The following TNS1 variants were observed in gnomAD, a reference collection of about 807,000 sequenced individuals.
TNS1 encodes tensin 1, also known as tensin-1.
A neutral mutation model predicts 168.6 loss-of-function variants in TNS1; 62 were observed. The ratio of observed to expected loss-of-function variants is 0.37; its 90% CI spans 0.30 to 0.45. The LOEUF is 0.45. Among genes scored for constraint, TNS1 ranks in the 20% least tolerant of loss-of-function variants. The pLI is 1.00. For missense variants in TNS1, 2,240 were observed against 2,339.4 expected (o/e 0.96, Z 0.88); for synonymous variants, 934 against 933.2 (o/e 1.00, Z -0.02).
intron 18 of TNS1, among the ~76,000 whole-genome samples, chr2:217,853,879 C>T (rs1277833482): frequency 6.6e-6 from 1 of 152,224 alleles, no homozygotes; most frequent in Non-Finnish European, 1.5e-5. Context: ...CGGCACTAGC[C>T]ATGCAGCTCA....
chr2:217,841,978 C>T (rs1178594996), intron 19 of TNS1: 189 of 675,204 alleles, frequency 2.8e-4, no homozygotes, highest in East Asian at 1.7e-3. Flanking sequence ...TTCTAACCCA[C>T]CTTCACACCA....
intron 3 of TNS1, among the ~76,000 whole-genome samples, chr2:217,969,233 T>A (rs1957721177): frequency 6.6e-6 from 1 of 152,206 alleles, no homozygotes; most frequent in African/African-American, 2.4e-5. Flanking sequence ...GAAAGAATGA[T>A]CTTTTCACCA....
At chr2:217,925,615 C>T (rs1056158110) in intron 3 of TNS1, among the ~76,000 whole-genome samples, 1 of 152,240 alleles carries the variant, frequency 6.6e-6, no homozygotes, top group African/African-American at 2.4e-5. Context: ...CCACCATCTC[C>T]TGCTAGTCCC....
chr2:217,951,629 C>T (rs922595693), intron 3 of TNS1, among the ~76,000 whole-genome samples: 4 of 152,114 alleles, frequency 2.6e-5, no homozygotes, highest in Non-Finnish European at 5.9e-5. Flanking sequence ...CAGGGGCTCG[C>T]CCGCCCCTGC....
intron 3 of TNS1, among the ~76,000 whole-genome samples, chr2:217,920,471 T>C (rs986771310): frequency 1.6e-4 from 25 of 151,826 alleles, no homozygotes; most frequent in Admixed American, 5.9e-4. Flanking sequence ...GCGTCACAAT[T>C]AAAATTCTGT....
chr2:217,930,260 T>C (rs1163196508), intron 3 of TNS1, among the ~76,000 whole-genome samples: 1 of 152,142 alleles, frequency 6.6e-6, no homozygotes. Context: ...CAGTAAATAA[T>C]GGAAATTGAA....
At chr2:217,862,076 G>A (rs1329038380) in intron 18 of TNS1, among the ~76,000 whole-genome samples, 2 of 152,136 alleles carry the variant, frequency 1.3e-5, no homozygotes, top group Non-Finnish European at 2.9e-5. Context: ...ACTGCCAATG[G>A]TGTGCCTGAA....
In TNS1 at chr2:217,906,541, G is replaced by A. The variant is rs566009850; in HGVS notation, c.271-156C>T. On this transcript the variant is annotated intron_variant, in intron 5 of 32. Coordinates refer to ENST00000682258, the MANE Select transcript of TNS1 (RefSeq NM_001387777.1). ...TTCACATTTCTTTGCCCATATCAAGGCCCCCTCAGAACTAACCAAATCCTC... is the reference window on the plus strand; with the variant it reads ...TTCACATTTCTTTGCCCATATCAAGACCCCCTCAGAACTAACCAAATCCTC... Among the ~76,000 whole-genome samples the A allele has an allele frequency of 2.0e-5, 3 of 152,260 alleles. No individual in the cohort carries two copies. The South Asian group carries it at 6.2e-4, about 32-fold the overall frequency.
intron 3 of TNS1, among the ~76,000 whole-genome samples, chr2:217,963,914 G>A (rs1052993770): frequency 6.9e-5 from 10 of 145,234 alleles, no homozygotes; most frequent in African/African-American, 2.3e-4. Context: ...AATTAGTCGG[G>A]TGTGGTAAAA....
intron 22 of TNS1, among the ~76,000 whole-genome samples, chr2:217,825,567 C>T (rs1263880066): frequency 6.6e-6 from 1 of 152,224 alleles, no homozygotes; most frequent in African/African-American, 2.4e-5. Flanking sequence ...CCCTACGCCC[C>T]ACCCTTTTAA....
intron 2 of TNS1, among the ~76,000 whole-genome samples, chr2:217,981,571 C>A (rs984128722): frequency 1.3e-5 from 2 of 152,240 alleles, no homozygotes; most frequent in East Asian, 3.8e-4. Context: ...CACCCCAGCT[C>A]CCAGCCCAGA....
upstream of TNS1, among the ~76,000 whole-genome samples, chr2:218,007,574 G>GC (rs1193608135): frequency 5.3e-4 from 69 of 129,350 alleles, no homozygotes; most frequent in Non-Finnish European, 7.7e-4. Flanking sequence ...GGTGGGGGGG[G>GC]GGGTTCAGCC....
At chr2:217,875,181 T>G (rs1011766990) in intron 18 of TNS1, among the ~76,000 whole-genome samples, 1 of 152,218 alleles carries the variant, frequency 6.6e-6, no homozygotes, top group African/African-American at 2.4e-5. Flanking sequence ...CTAGAGTATC[T>G]GTGATGAACA....
intron 3 of TNS1, among the ~76,000 whole-genome samples, chr2:217,923,481 TG>T (rs1955843171): frequency 1.3e-5 from 2 of 152,266 alleles, no homozygotes; most frequent in African/African-American, 4.8e-5. Flanking sequence ...CCCCATTTTG[TG>T]GATGAGAAGA....
chr2:217,959,976 G>A (rs1158900163), intron 3 of TNS1, among the ~76,000 whole-genome samples: 1 of 152,178 alleles, frequency 6.6e-6, no homozygotes, highest in Non-Finnish European at 1.5e-5. Flanking sequence ...TGTGAAGGGA[G>A]GAGGGTGGAG....
chr2:217,923,582 G>A (rs1264046795), intron 3 of TNS1, among the ~76,000 whole-genome samples: 1 of 152,184 alleles, frequency 6.6e-6, no homozygotes, highest in Non-Finnish European at 1.5e-5. Flanking sequence ...TGTCCTCTAT[G>A]CTAGAAACAC....
At chr2:217,953,746 G>A (rs1447717309) in intron 3 of TNS1, among the ~76,000 whole-genome samples, 2 of 152,148 alleles carry the variant, frequency 1.3e-5, no homozygotes, top group Admixed American at 6.5e-5. Flanking sequence ...GGGAGGGGAC[G>A]TGGGATGTGC....
intron 9 of TNS1, among the ~76,000 whole-genome samples, chr2:217,893,860 A>G (rs1952003433): frequency 6.6e-6 from 1 of 152,210 alleles, no homozygotes; most frequent in Admixed American, 6.5e-5. Context: ...ATGTGTGTTA[A>G]AAAAACAAAC....
In TNS1 at chr2:217,831,196, G is replaced by A. The variant is rs150763421; in HGVS notation, c.3373+259C>T. ...CCAGCAGAGATCTCAACACCACCAA[G>A]GAAACTGAGACCAGGCCTCCAAAGC... On this transcript the variant is annotated intron_variant, in intron 22 of 32. Coordinates refer to ENST00000682258, the MANE Select transcript of TNS1 (RefSeq NM_001387777.1). Among the ~76,000 whole-genome samples, 427 of 152,290 alleles carry A rather than the reference G, an allele frequency of 2.8e-3. 3 individuals are homozygous for A. The highest frequency in any genetic ancestry group is 9.9e-3 in the African/African-American group (413 of 41,552).
Sources: gnomAD v4.1 joint callset for allele counts (sites outside exome capture counted in the v4.1 genomes callset) on GRCh38, gnomAD v4.1.1 for gene constraint, MANE v1.5 for transcripts, NCBI Gene and HGNC (gene_info 2026-07-23, HGNC 2026-07-21) for gene names.